MYO16: variants seen among roughly 807,000 people sequenced by gnomAD.
MYO16 encodes myosin XVI.
MYO16 carries 94 observed loss-of-function variants against 205.3 expected under a neutral mutation model. That is an observed-to-expected ratio of 0.46 (90% confidence interval 0.39 to 0.54). MYO16 has a LOEUF of 0.54. MYO16 is among the 20% of genes least tolerant of loss of function. The probability of loss-of-function intolerance (pLI) is 0.00; values close to 1 mark genes in which losing one functional copy is unlikely to be tolerated. For missense variants in MYO16, 2,315 were observed against 2,387.5 expected, an observed-to-expected ratio of 0.97 and a Z score of 0.63; for synonymous variants, 988 against 954.0, an observed-to-expected ratio of 1.04 and a Z score of -0.66.
intron 2 of MYO16, among the ~76,000 whole-genome samples, chr13:108,699,096 C>CTA (rs10590969): frequency 0.02 from 2,634 of 132,364 alleles, 27 homozygotes; most frequent in Non-Finnish European, 0.023. Flanking sequence ...CTCTCTCTCT[C>CTA]TATATATATA....
intron 6 of MYO16, among the ~76,000 whole-genome samples, chr13:108,799,149 T>C (rs936029879): frequency 2.6e-5 from 4 of 152,252 alleles, no homozygotes; most frequent in African/African-American, 9.6e-5. Context: ...TTTATGGTCA[T>C]TTTTAAAGAA....
At chr13:109,181,561 A>G (rs1879451739) in intron 34 of MYO16, among the ~76,000 whole-genome samples, 1 of 152,214 alleles carries the variant, frequency 6.6e-6, no homozygotes, top group Non-Finnish European at 1.5e-5. Context: ...AAGGATGTCT[A>G]TATTTTCATT....
intron 7 of MYO16, among the ~76,000 whole-genome samples, chr13:108,814,016 C>T (rs1033959759): frequency 1.3e-5 from 2 of 152,154 alleles, no homozygotes; most frequent in African/African-American, 2.4e-5. Flanking sequence ...CCTTATTTCA[C>T]ACATGAATGT....
At chr13:108,702,642 A>G (rs1419043616) in intron 2 of MYO16, among the ~76,000 whole-genome samples, 1 of 152,184 alleles carries the variant, frequency 6.6e-6, no homozygotes, top group Non-Finnish European at 1.5e-5. Flanking sequence ...AATATAAAAA[A>G]ACAGTATTGC....
intron 9 of MYO16, among the ~76,000 whole-genome samples, chr13:108,841,966 A>C (rs897997060): frequency 6.6e-6 from 1 of 152,176 alleles, no homozygotes; most frequent in Admixed American, 6.5e-5. Context: ...GCCAAGACCC[A>C]ATAGGGAAAA....
the MYO16 span, among the ~76,000 whole-genome samples, chr13:108,579,961 T>C: frequency 2.0e-5 from 3 of 152,198 alleles, no homozygotes; most frequent in African/African-American, 7.2e-5. Flanking sequence ...ATCAGGTGTT[T>C]TGAAATTCAT....
At chr13:108,984,306 G>A (rs1034965871) in intron 20 of MYO16, among the ~76,000 whole-genome samples, 1 of 152,082 alleles carries the variant, frequency 6.6e-6, no homozygotes, top group Non-Finnish European at 1.5e-5. Flanking sequence ...CCATGACCTG[G>A]ATTAGCTTGC....
chr13:108,935,615 T>C (rs1882443258), intron 16 of MYO16, among the ~76,000 whole-genome samples: 1 of 152,152 alleles, frequency 6.6e-6, no homozygotes, highest in South Asian at 2.1e-4. Flanking sequence ...TTTCTTTCTC[T>C]TCCCTGATTT....
intron 4 of MYO16, among the ~76,000 whole-genome samples, chr13:108,747,196 T>C (rs975838958): frequency 7.9e-5 from 12 of 152,196 alleles, no homozygotes; most frequent in African/African-American, 2.9e-4. Flanking sequence ...GAAAATTGTA[T>C]AGGTCAGAAT....
chr13:108,927,901 T>C (rs1882082259), intron 16 of MYO16, among the ~76,000 whole-genome samples: 1 of 152,264 alleles, frequency 6.6e-6, no homozygotes, highest in South Asian at 2.1e-4. Flanking sequence ...AGCCTGAGCA[T>C]GCGCTCTAGG....
intron 22 of MYO16, among the ~76,000 whole-genome samples, chr13:109,018,973 T>G (rs74797710): frequency 2.9e-5 from 4 of 140,256 alleles, no homozygotes; most frequent in Non-Finnish European, 4.6e-5. Flanking sequence ...TTTTTTTTTT[T>G]GTTTTTTTTT....
intron 12 of MYO16, among the ~76,000 whole-genome samples, chr13:108,867,401 AG>A (rs1878775075): frequency 6.6e-6 from 1 of 152,062 alleles, no homozygotes; most frequent in Non-Finnish European, 1.5e-5. Context: ...TAAATTAAAA[AG>A]TCAGTGCCAT....
intron 4 of MYO16, among the ~76,000 whole-genome samples, chr13:108,743,666 G>A (rs557418042): frequency 2.0e-5 from 3 of 152,168 alleles, no homozygotes; most frequent in Non-Finnish European, 4.4e-5. Flanking sequence ...TATTAGTAAC[G>A]TCTTTGCCTG....
At chr13:108,831,625 G>T (rs1372298422) in intron 9 of MYO16, among the ~76,000 whole-genome samples, 2 of 152,082 alleles carry the variant, frequency 1.3e-5, no homozygotes, top group African/African-American at 4.8e-5. Flanking sequence ...CGATTCTCTG[G>T]CCTCACCTTC....
At chr13:109,118,577 T>C (rs1287546377) in intron 28 of MYO16, among the ~76,000 whole-genome samples, 1 of 152,204 alleles carries the variant, frequency 6.6e-6, no homozygotes, top group Non-Finnish European at 1.5e-5. Context: ...CTTTGGAGTT[T>C]TGTTTTGGAA....
At chr13:108,837,970 G>T (rs1334952460) in intron 9 of MYO16, among the ~76,000 whole-genome samples, 4 of 151,872 alleles carry the variant, frequency 2.6e-5, no homozygotes, top group African/African-American at 2.4e-5. Context: ...TGCAAACCCT[G>T]TCTTTAGTTT....
rs765648585 is a variant in MYO16 at position 108,629,816 on chromosome 13, G to A, written c.-29G>A. ...GTGACAGAAGAGAATGCTGGAACCC[G>A]TAGCAAGATTCCTGTCTGAGATGGA... is the stretch of plus-strand genomic sequence containing the variant. On this transcript the variant is annotated 5_prime_UTR_variant, in exon 1 of 35. Coordinates refer to ENST00000457511, the MANE Select transcript of MYO16 (RefSeq NM_001198950.3). 33 of 1,523,662 alleles carry A rather than the reference G, an allele frequency of 2.2e-5. No homozygotes were observed. The highest frequency in any genetic ancestry group is 6.0e-5 in the South Asian group (5 of 82,968). The allele number at this position is 1,523,662 out of a possible 1,614,324, so 94.4% of individuals were successfully genotyped here.
At chr13:108,719,099 A>G (rs1321878332) in intron 3 of MYO16, among the ~76,000 whole-genome samples, 1 of 152,080 alleles carries the variant, frequency 6.6e-6, no homozygotes, top group Non-Finnish European at 1.5e-5. Context: ...TTTTGTTTTT[A>G]TATCTTTGTA....
intron 12 of MYO16, among the ~76,000 whole-genome samples, chr13:108,882,247 T>C (rs945161223): frequency 1.3e-5 from 2 of 152,224 alleles, no homozygotes; most frequent in Non-Finnish European, 2.9e-5. Flanking sequence ...CTGGTGTCAC[T>C]GAATCAAGAG....
Sources: gnomAD v4.1 joint callset for allele counts (sites outside exome capture counted in the v4.1 genomes callset) on GRCh38, gnomAD v4.1.1 for gene constraint, MANE v1.5 for transcripts, NCBI Gene and HGNC (gene_info 2026-07-23, HGNC 2026-07-21) for gene names.